Variants in TDRD9 observed in about 807,000 individuals in gnomAD.
The protein encoded by TDRD9 is tudor domain containing 9, also known as ATP-dependent RNA helicase TDRD9.
TDRD9 carries 124 observed loss-of-function variants against 172.6 expected under a neutral mutation model. The observed-to-expected ratio is 0.72, with a 90% CI of 0.62 to 0.83. The LOEUF is 0.83. Ranked by LOEUF, TDRD9 falls within the 40% of genes least tolerant of loss-of-function variation. The probability of loss-of-function intolerance (pLI) is 0.00; values close to 1 mark genes in which losing one functional copy is unlikely to be tolerated. For missense variants in TDRD9, 1,479 were observed against 1,714.1 expected (o/e 0.86, Z 2.42); for synonymous variants, 619 against 617.1 (o/e 1.00, Z -0.05).
At chr14:104,014,063 A>C (rs2034700801) in intron 20 of TDRD9, 1 of 151,970 alleles carries the variant, frequency 6.6e-6, no homozygotes, top group Admixed American at 6.6e-5. Flanking sequence ...CCCTGTCTCT[A>C]CTAAAAATAC....
At chr14:103,936,258 TA>T (rs1843192474) in intron 1 of TDRD9, among the ~76,000 whole-genome samples, 1 of 152,056 alleles carries the variant, frequency 6.6e-6, no homozygotes, top group Admixed American at 6.6e-5. Flanking sequence ...CCTGACAAAT[TA>T]AAAAAATGTT....
intron 32 of TDRD9, among the ~76,000 whole-genome samples, chr14:104,035,886 G>A (rs1463189682): frequency 6.6e-6 from 1 of 152,142 alleles, no homozygotes; most frequent in Non-Finnish European, 1.5e-5. Flanking sequence ...AGAGGGCTAA[G>A]TTCAGTCAAG....
chr14:103,983,124 C>A (rs982128126), intron 7 of TDRD9, among the ~76,000 whole-genome samples: 1 of 132,676 alleles, frequency 7.5e-6, no homozygotes, highest in Non-Finnish European at 1.5e-5. Context: ...AGTGCAGTGG[C>A]GCGATCTCAG....
chr14:103,941,315 T>C (rs1361170021), intron 1 of TDRD9: 2 of 1,085,614 alleles, frequency 1.8e-6, no homozygotes, highest in Non-Finnish European at 2.6e-6. Context: ...ATTTACATGA[T>C]AGAATACAGT....
chr14:103,940,759 T>C (rs1440614828), intron 1 of TDRD9: 11 of 1,260,876 alleles, frequency 8.7e-6, no homozygotes, highest in Non-Finnish European at 1.2e-5. Flanking sequence ...ATTCTTAATA[T>C]TAGGAGTTCT....
chr14:103,996,620 G>A (rs1045043837), intron 12 of TDRD9, among the ~76,000 whole-genome samples: 3 of 152,094 alleles, frequency 2.0e-5, no homozygotes, highest in South Asian at 2.1e-4. Context: ...AGCAGCACAC[G>A]GCCAGTGTGG....
intron 1 of TDRD9, chr14:103,940,643 C>T (rs2031164401): frequency 1.3e-5 from 7 of 521,046 alleles, no homozygotes; most frequent in Non-Finnish European, 2.0e-5. Context: ...GAAAACATAG[C>T]ATGTTTAGAG....
intron 2 of TDRD9, among the ~76,000 whole-genome samples, chr14:103,957,705 ATTAG>A (rs1165972364): frequency 6.6e-6 from 1 of 152,066 alleles, no homozygotes; most frequent in Non-Finnish European, 1.5e-5. Context: ...TGGAAAGCAC[ATTAG>A]TTAGTTTATA....
chr14:104,034,820 T>C, intron 31 of TDRD9, 140 bp from the exon 32 acceptor site: 1 of 616,720 alleles, frequency 1.6e-6, no homozygotes, highest in Non-Finnish European at 2.9e-6. Flanking sequence ...TGTGCGTTAC[T>C]ATTGGGGTGG....
chr14:103,990,199 C>A (rs1011762301), intron 8 of TDRD9, among the ~76,000 whole-genome samples: 2 of 152,234 alleles, frequency 1.3e-5, no homozygotes, highest in African/African-American at 2.4e-5. Context: ...GCATCCCATG[C>A]AGGCCCATCT....
intron 35 of TDRD9, among the ~76,000 whole-genome samples, chr14:104,050,518 T>C (rs2035908345): frequency 6.6e-6 from 1 of 152,230 alleles, no homozygotes. Context: ...GAGCCAGGGA[T>C]ATCTCTAGAT....
chr14:103,971,196 G>T (rs1361423196), intron 6 of TDRD9, among the ~76,000 whole-genome samples: 2 of 151,602 alleles, frequency 1.3e-5, no homozygotes, highest in African/African-American at 4.8e-5. Context: ...TGTTAGCCAG[G>T]ATGGTCTTGA....
chr14:103,942,465 T>C (rs1468955816), intron 1 of TDRD9, among the ~76,000 whole-genome samples: 2 of 152,224 alleles, frequency 1.3e-5, no homozygotes, highest in East Asian at 3.8e-4. Flanking sequence ...GACATGTCTT[T>C]GGTAGTGAAA....
intron 35 of TDRD9, among the ~76,000 whole-genome samples, chr14:104,051,393 A>G (rs1459800159): frequency 1.3e-5 from 2 of 152,220 alleles, no homozygotes; most frequent in African/African-American, 2.4e-5. Flanking sequence ...TGCTATTGTG[A>G]ATAGTGCTGT....
Position 103,991,955 on chromosome 14 carries a change from C to T in TDRD9, c.1180+731C>T, listed in dbSNP as rs531735587. On this transcript the variant is annotated intron_variant, in intron 9 of 35. Transcript: ENST00000409874. ...AGCTTTTTGAAGGCAGTTTTGCCAC[C>T]TTCGAAATTTCCAGTAAAATATTTG... Among the ~76,000 whole-genome samples the T allele has an allele frequency of 1.1e-4, 16 of 152,214 alleles. No individual in the cohort carries two copies. In the South Asian group the frequency reaches 3.3e-3, roughly 32 times the overall value.
chr14:104,049,646 C>T lies in TDRD9; in HGVS notation c.4013C>T (p.Pro1338Leu). 1 of 1,589,446 alleles carries T rather than the reference C, an allele frequency of 6.3e-7. No individual in the cohort carries two copies. Among genetic ancestry groups the T allele is most frequent in the Non-Finnish European group, 8.6e-7 (1 of 1,168,010 alleles). The change falls in exon 35 of 36, where the codon CCC becomes CTC. Residue 1338 changes from proline to leucine, a missense_variant. Around this residue, in one of 3 missense-constraint regions of TDRD9, gnomAD observed 1,413 missense variants for 1,649.1 expected, o/e 0.86. Coordinates refer to ENST00000409874, the MANE Select transcript of TDRD9 (RefSeq NM_153046.3). ...TCAAAACCAAGGGAGAAGATTGTTC[C>T]CAAGTGGCATGAAAAGCCCTACGAG... Reference protein sequence around the residue: ...CQSKPREKIVPKWHEKPYEWN... With the variant: ...CQSKPREKIVLKWHEKPYEWN...
intron 1 of TDRD9, among the ~76,000 whole-genome samples, chr14:103,935,701 G>C (rs2030714145): frequency 1.3e-5 from 2 of 152,122 alleles, no homozygotes; most frequent in Non-Finnish European, 2.9e-5. Context: ...GTGTTTATAG[G>C]TGGATGAGTT....
rs2035954385 is a variant in TDRD9 at position 104,052,169 on chromosome 14, GTGTC to G, written c.*90_*93del. On this transcript the variant is annotated 3_prime_UTR_variant, in exon 36 of 36. Coordinates refer to ENST00000409874, the MANE Select transcript of TDRD9 (RefSeq NM_153046.3). ...TCCCTCCGCAGACTGACTTTCCTCT[GTGTC>G]TGGGTGTTACAGTCTGTGCCCACTG... 2.3e-6 allele frequency: 2 copies of G among 880,954 alleles called. No individual in the cohort carries two copies. Among genetic ancestry groups the G allele is most frequent in the Non-Finnish European group, 3.6e-6 (2 of 555,972 alleles). The allele number at this position is 880,954 out of a possible 1,614,324, so 54.6% of individuals were successfully genotyped here. A position where few individuals can be genotyped will look rare whatever the true frequency, so the allele number is the denominator to read the frequency against.
intron 21 of TDRD9, among the ~76,000 whole-genome samples, chr14:104,015,139 A>C (rs2034748760): frequency 6.6e-6 from 1 of 152,202 alleles, no homozygotes; most frequent in African/African-American, 2.4e-5. Flanking sequence ...CTGTGTTATC[A>C]CTGCTTCAGG....
Sources: gnomAD v4.1 joint callset for allele counts (sites outside exome capture counted in the v4.1 genomes callset) on GRCh38, gnomAD v4.1.1 for gene constraint, gnomAD v4.1.1 regional missense constraint, MANE v1.5 for transcripts, NCBI Gene and HGNC (gene_info 2026-07-23, HGNC 2026-07-21) for gene names.